KIF4A: variants seen among roughly 807,000 people sequenced by gnomAD.
KIF4A encodes the protein kinesin family member 4A.
A neutral mutation model predicts 105.9 loss-of-function variants in KIF4A; 7 were observed. The observed-to-expected ratio is 0.07, with a 90% CI of 0.04 to 0.12. The LOEUF (loss-of-function observed/expected upper bound fraction) is 0.12, where lower values mean the gene tolerates loss of function less well. Among genes scored for constraint, KIF4A ranks in the 10% least tolerant of loss-of-function variants. The pLI is 1.00. For missense variants in KIF4A, 558 were observed against 929.2 expected (o/e 0.60, Z 5.19); for synonymous variants, 281 against 331.3 (o/e 0.85, Z 1.65).
intron 13 of KIF4A, among the ~76,000 whole-genome samples, chrX:70,349,762 TC>T: frequency 1.5e-5 from 1 of 68,880 alleles, no homozygotes; most frequent in Non-Finnish European, 2.6e-5. Flanking sequence ...GCTCCTCAGT[TC>T]CCAGACGGGG....
At chrX:70,395,368 A>G in intron 20 of KIF4A, among the ~76,000 whole-genome samples, 1 of 112,493 alleles carries the variant, frequency 8.9e-6, no homozygotes, top group East Asian at 2.8e-4. Context: ...AAAATATTCA[A>G]TTTTTTATTA....
At chrX:70,403,715 C>A in intron 23 of KIF4A, 149 bp from the exon 24 acceptor site, 1 of 473,659 alleles carries the variant, frequency 2.1e-6, no homozygotes, top group Non-Finnish European at 3.6e-6. Flanking sequence ...TGTTGGAATC[C>A]ATATGACATG....
intron 15 of KIF4A, among the ~76,000 whole-genome samples, chrX:70,368,958 C>T (rs887249547): frequency 1.8e-5 from 2 of 112,019 alleles, no homozygotes; most frequent in Non-Finnish European, 3.8e-5. Flanking sequence ...GTGGGCGCCC[C>T]TCCCACAGCC....
At chrX:70,407,403 G>A (rs180787842) in intron 28 of KIF4A, among the ~76,000 whole-genome samples, 126 of 111,694 alleles carry the variant, frequency 1.1e-3, no homozygotes, top group African/African-American at 3.8e-3. Flanking sequence ...CACCGTGCCC[G>A]GCCTAGCTCT....
Position 70,416,136 on chromosome X carries a change from G to T in KIF4A, c.3256-1752G>T, listed in dbSNP as rs747919256. On this transcript the variant is annotated intron_variant, in intron 28 of 30. Coordinates refer to ENST00000374403, the MANE Select transcript of KIF4A (RefSeq NM_012310.5). ...CCCGCCTCGGCCTCCCAAAGTGTTG[G>T]GATTACAGGCGTGAGCCACTGCGCC... Among the ~76,000 whole-genome samples the T allele has an allele frequency of 2.7e-5, 3 of 109,694 alleles. No homozygotes were observed. The Admixed American group carries it at 2.9e-4, about 11-fold the overall frequency.
At chrX:70,380,130 C>A (rs749777867) in intron 18 of KIF4A, among the ~76,000 whole-genome samples, 1 of 111,252 alleles carries the variant, frequency 9.0e-6, no homozygotes, top group East Asian at 2.8e-4. Context: ...ATGGCGAAAC[C>A]CTGTCTCTAC....
intron 4 of KIF4A, 50 bp downstream of exon 4, chrX:70,297,238 G>C: frequency 2.8e-6 from 3 of 1,065,414 alleles, no homozygotes; most frequent in Non-Finnish European, 3.8e-6. Context: ...TCTTTGGGTC[G>C]AAAAATAAAT....
At chrX:70,365,005 T>C (rs1161365576) in intron 15 of KIF4A, among the ~76,000 whole-genome samples, 1 of 111,632 alleles carries the variant, frequency 9.0e-6, no homozygotes, top group African/African-American at 3.3e-5. Context: ...TTTGAAGCCA[T>C]TGTGAATGGG....
chrX:70,378,540 G>A (rs2086183912), intron 18 of KIF4A, among the ~76,000 whole-genome samples: 2 of 109,693 alleles, frequency 1.8e-5, no homozygotes, highest in South Asian at 7.8e-4. Flanking sequence ...ACCAGCCTGA[G>A]TAACATGGAG....
chrX:70,291,228 T>A (rs934801108), intron 3 of KIF4A, among the ~76,000 whole-genome samples: 1 of 111,073 alleles, frequency 9.0e-6, no homozygotes, highest in Admixed American at 9.5e-5. Flanking sequence ...TAAATAATTT[T>A]GAATATATAA....
At chrX:70,363,100 G>A (rs1023260999) in intron 15 of KIF4A, among the ~76,000 whole-genome samples, 1 of 110,905 alleles carries the variant, frequency 9.0e-6, no homozygotes, top group Non-Finnish European at 1.9e-5. Flanking sequence ...AAGAAAAATA[G>A]GGGGAGGGAT....
At position 70,401,299 on chromosome X, in the gene KIF4A, C is replaced by T. The variant is rs191638134; in HGVS notation, c.2490-1267C>T. On this transcript the variant is annotated intron_variant, in intron 22 of 30. Coordinates refer to ENST00000374403, the MANE Select transcript of KIF4A (RefSeq NM_012310.5). The stretch of plus-strand genomic sequence containing the variant: ...TTCACCATGTTGGCCAGGATGGTCT[C>T]GATCTCCTGACCTCATAATTTGCCT... 3.1e-3 allele frequency among the ~76,000 whole-genome samples: 342 copies of T among 109,833 alleles called. 4 individuals carry two copies. The highest frequency in any genetic ancestry group is 4.1e-3 in the Non-Finnish European group (215 of 52,741).
chrX:70,353,241 A>T (rs1186610135), intron 14 of KIF4A, among the ~76,000 whole-genome samples: 2 of 112,242 alleles, frequency 1.8e-5, no homozygotes, highest in Non-Finnish European at 3.8e-5. Context: ...GAAGGAAAAT[A>T]CTAGGTCAGG....
intron 10 of KIF4A, among the ~76,000 whole-genome samples, chrX:70,339,660 C>CA (rs780800735): frequency 1.6e-4 from 18 of 112,756 alleles, no homozygotes; most frequent in South Asian, 1.4e-3. Context: ...GGCTTGTTAA[C>CA]AAAAAGTACA....
intron 7 of KIF4A, among the ~76,000 whole-genome samples, chrX:70,323,693 T>A (rs760090608): frequency 9.0e-6 from 1 of 111,631 alleles, no homozygotes; most frequent in South Asian, 3.7e-4. Flanking sequence ...CACAAATCTG[T>A]CCATCTATCC....
chrX:70,330,086 T>C, intron 8 of KIF4A, 71 bp from the exon 9 acceptor site: 1 of 947,444 alleles, frequency 1.1e-6, no homozygotes, highest in South Asian at 2.9e-5. Flanking sequence ...CCAACCCGAA[T>C]GGACGGCTTT....
chrX:70,405,793 A>G (rs754285377), intron 25 of KIF4A, 35 bp from the exon 26 acceptor site: 14 of 1,074,849 alleles, frequency 1.3e-5, no homozygotes, highest in Non-Finnish European at 1.8e-5. Flanking sequence ...AGTGCCCAAA[A>G]TAACCCCATA....
chrX:70,327,338 GA>G (rs989598520), intron 7 of KIF4A, among the ~76,000 whole-genome samples: 1 of 110,482 alleles, frequency 9.1e-6, no homozygotes, highest in Non-Finnish European at 1.9e-5. Flanking sequence ...AATAGTGAAG[GA>G]AAAAAATAAG....
chrX:70,383,646 A>G (rs945412661), intron 18 of KIF4A, among the ~76,000 whole-genome samples: 4 of 112,269 alleles, frequency 3.6e-5, no homozygotes, highest in African/African-American at 6.5e-5. Flanking sequence ...ATGTCCATCA[A>G]CTGATGAATG....
Sources: gnomAD v4.1 joint callset for allele counts (sites outside exome capture counted in the v4.1 genomes callset) on GRCh38, gnomAD v4.1.1 for gene constraint, MANE v1.5 for transcripts, NCBI Gene and HGNC (gene_info 2026-07-23, HGNC 2026-07-21) for gene names.